The following SULT1B1 variants were observed in gnomAD, a reference collection of about 807,000 sequenced individuals.
The protein encoded by SULT1B1 is sulfotransferase 1B1.
A neutral mutation model predicts 34.6 loss-of-function variants in SULT1B1; 28 were observed. That is an observed-to-expected ratio of 0.81 (90% CI 0.60 to 1.11). The LOEUF (loss-of-function observed/expected upper bound fraction) is 1.11, where lower values mean the gene tolerates loss of function less well. Ranked by LOEUF, SULT1B1 falls within the 50% of genes least tolerant of loss-of-function variation. The pLI, the probability that SULT1B1 is intolerant of heterozygous loss-of-function variation, is 0.00. For synonymous variants in SULT1B1, 147 were observed against 110.2 expected (o/e 1.33, Z -2.09); for missense variants, 374 against 352.2 (o/e 1.06, Z -0.50).
In SULT1B1 at chr4:69,734,190, C is replaced by T. The variant is rs2110019145; in HGVS notation, c.450G>A (p.Gln150=). The T allele has an allele frequency of 6.2e-7, 1 of 1,612,268 alleles. No individual in the cohort carries two copies. The highest frequency in any genetic ancestry group is 8.5e-7 in the Non-Finnish European group (1 of 1,179,148). ...ATTCTTCCCAGGTACCAGGAAAAGG[C>T]TGTAAATTATTCATTAAGTCAAAAT... is the stretch of plus-strand genomic sequence containing the variant. ...YYHFDLMNNL[Q]PFPGTWEEYL... is the part of the protein sequence containing the mutation. Residue 150 remains glutamine (Q), a synonymous_variant, in exon 5 of 8, where the codon CAG becomes CAA. Transcript: ENST00000310613.
At chr4:69,741,078 G>C (rs1339241463) in intron 4 of SULT1B1, among the ~76,000 whole-genome samples, 1 of 152,080 alleles carries the variant, frequency 6.6e-6, no homozygotes, top group African/African-American at 2.4e-5. Context: ...GGTAATAAGG[G>C]CTCCAGTTTC....
intron 4 of SULT1B1, among the ~76,000 whole-genome samples, chr4:69,747,515 T>C (rs1032087264): frequency 1.3e-5 from 2 of 152,190 alleles, no homozygotes; most frequent in African/African-American, 4.8e-5. Flanking sequence ...CCCAGGCCTA[T>C]GTGCAAAACA....
At chr4:69,733,183 G>A (rs1280737304) in intron 6 of SULT1B1, among the ~76,000 whole-genome samples, 1 of 152,118 alleles carries the variant, frequency 6.6e-6, no homozygotes, top group Non-Finnish European at 1.5e-5. Flanking sequence ...GCAGAAGAAA[G>A]AGTGGTCAGA....
intron 1 of SULT1B1, among the ~76,000 whole-genome samples, chr4:69,756,820 T>C (rs1034237119): frequency 1.3e-5 from 2 of 152,138 alleles, no homozygotes; most frequent in African/African-American, 2.4e-5. Context: ...AGAATTCCTC[T>C]TTACTTCCAG....
In SULT1B1 at chr4:69,735,325, A is replaced by T. The variant is rs1188216693; in HGVS notation, c.376-1061T>A. Among the ~76,000 whole-genome samples the T allele has an allele frequency of 3.9e-5, 6 of 152,176 alleles. No homozygotes were observed. In the East Asian group the frequency reaches 1.2e-3, roughly 29 times the overall value. On this transcript the variant is annotated intron_variant, in intron 4 of 7. Coordinates refer to ENST00000310613, the MANE Select transcript of SULT1B1 (RefSeq NM_014465.4). The stretch of plus-strand genomic sequence containing the variant: ...TTTACAGGCATACACGAAACAAAAA[A>T]ATATCTAGAAAAACCTGCTCTCCCT...
intron 1 of SULT1B1, chr4:69,760,107 G>T (rs1578073697): frequency 4.2e-6 from 1 of 238,760 alleles, no homozygotes; most frequent in Non-Finnish European, 6.8e-6. Flanking sequence ...GTGTGTGTAT[G>T]TGCATATGTG....
In SULT1B1 at chr4:69,734,182, G is replaced by A; in HGVS notation, c.458C>T (p.Pro153Leu). Residue 153 changes from proline to leucine, a missense_variant, in exon 5 of 8, where the codon CCT (proline) becomes CTT (leucine). Coordinates refer to ENST00000310613, the MANE Select transcript of SULT1B1 (RefSeq NM_014465.4). ...FDLMNNLQPF[P>L]GTWEEYLEKF... ...CTCCAGATATTCTTCCCAGGTACCA[G>A]GAAAAGGCTGTAAATTATTCATTAA... 6.2e-7 allele frequency: 1 copy of A among 1,612,138 alleles called. No homozygotes were observed.
intron 4 of SULT1B1, among the ~76,000 whole-genome samples, chr4:69,739,812 C>G (rs1448025589): frequency 6.6e-6 from 1 of 152,158 alleles, no homozygotes; most frequent in Non-Finnish European, 1.5e-5. Context: ...TGCTTTGCCA[C>G]TTAGAAATTT....
intron 4 of SULT1B1, among the ~76,000 whole-genome samples, chr4:69,744,461 G>A (rs999194718): frequency 3.3e-5 from 5 of 152,148 alleles, no homozygotes; most frequent in Admixed American, 1.3e-4. Flanking sequence ...TCCTGCAGCC[G>A]CTCCTGCCAC....
intron 7 of SULT1B1, among the ~76,000 whole-genome samples, chr4:69,727,697 G>T (rs1014223860): frequency 1.3e-5 from 2 of 151,992 alleles, no homozygotes; most frequent in Non-Finnish European, 2.9e-5. Context: ...CTATGATATG[G>T]AGATGACAGT....
chr4:69,744,907 T>C (rs1560527196), intron 4 of SULT1B1, among the ~76,000 whole-genome samples: 1 of 152,300 alleles, frequency 6.6e-6, no homozygotes, highest in East Asian at 1.9e-4. Flanking sequence ...GTCTCAAAGA[T>C]TCTGATATGT....
Position 69,722,935 on chromosome 4 carries a change from G to GC in SULT1B1, c.*4152dup, listed in dbSNP as rs1717701447. 6.6e-6 allele frequency: 1 copy of GC among 151,892 alleles called. No individual in the cohort carries two copies. Among genetic ancestry groups the GC allele is most frequent in the South Asian group, 2.1e-4 (1 of 4,818 alleles). The allele number at this position is 151,892 out of a possible 1,614,324, so 9.4% of individuals were successfully genotyped here. A position where few individuals can be genotyped will look rare whatever the true frequency, so the allele number is the denominator to read the frequency against. On this transcript the variant is annotated 3_prime_UTR_variant, in exon 8 of 8. Coordinates refer to ENST00000310613, the MANE Select transcript of SULT1B1 (RefSeq NM_014465.4). ...GAACCATGGCTTGGCATATAACTTG[G>GC]CACATGTGATATGATCTCAGGAAAA...
At chr4:69,731,503 T>C (rs770683667) in intron 6 of SULT1B1, among the ~76,000 whole-genome samples, 35 of 152,236 alleles carry the variant, frequency 2.3e-4, no homozygotes, top group Non-Finnish European at 4.8e-4. Flanking sequence ...GTCCTGGCTC[T>C]GGCTGAATCT....
At chr4:69,738,668 C>A (rs1314606970) in intron 4 of SULT1B1, among the ~76,000 whole-genome samples, 3 of 152,168 alleles carry the variant, frequency 2.0e-5, no homozygotes, top group African/African-American at 4.8e-5. Flanking sequence ...CCTCCCATAT[C>A]TCATGTCCTC....
At chr4:69,734,318 T>A in intron 4 of SULT1B1, 54 bp from the exon 5 acceptor site, 1 of 1,570,164 alleles carries the variant, frequency 6.4e-7, no homozygotes, top group Admixed American at 1.9e-5. Flanking sequence ...ACATTTTGTT[T>A]AGGAAAAAAT....
At chr4:69,750,853 C>T (rs928589360) in intron 3 of SULT1B1, among the ~76,000 whole-genome samples, 3 of 152,146 alleles carry the variant, frequency 2.0e-5, no homozygotes, top group African/African-American at 4.8e-5. Flanking sequence ...AAATGTCCAT[C>T]GAGAACCGTG....
At chr4:69,734,075 T>C (rs1718193539) in intron 5 of SULT1B1, 63 bp downstream of exon 5, 2 of 1,279,808 alleles carry the variant, frequency 1.6e-6, no homozygotes, top group Non-Finnish European at 2.1e-6. Flanking sequence ...GTCATAAAAG[T>C]TATTGTTAAT....
chr4:69,728,931 A>G (rs1717951199), intron 7 of SULT1B1, among the ~76,000 whole-genome samples: 1 of 151,986 alleles, frequency 6.6e-6, no homozygotes, highest in South Asian at 2.1e-4. Flanking sequence ...TTAACCCCCT[A>G]GAGAGGGGAT....
chr4:69,749,429 T>G (rs763829304), intron 4 of SULT1B1, among the ~76,000 whole-genome samples: 1 of 152,146 alleles, frequency 6.6e-6, no homozygotes, highest in Non-Finnish European at 1.5e-5. Context: ...CTAACGTCCT[T>G]AAGTTCAGTT....
Sources: gnomAD v4.1 joint callset for allele counts (sites outside exome capture counted in the v4.1 genomes callset) on GRCh38, gnomAD v4.1.1 for gene constraint, MANE v1.5 for transcripts, NCBI Gene and HGNC (gene_info 2026-07-23, HGNC 2026-07-21) for gene names.